ZIM3: variants seen among roughly 807,000 people sequenced by gnomAD.
The protein encoded by ZIM3 is zinc finger protein 657.
ZIM3 carries 11 observed loss-of-function variants against 12.9 expected under a neutral mutation model. The ratio of observed to expected loss-of-function variants is 0.85; its 90% CI spans 0.54 to 1.41. The LOEUF is 1.41. Among genes scored for constraint, ZIM3 ranks in the 40% most tolerant of loss-of-function variants. The pLI, the probability that ZIM3 is intolerant of heterozygous loss-of-function variation, is 0.00. For synonymous variants in ZIM3, 205 were observed against 198.5 expected, an observed-to-expected ratio of 1.03 and a Z score of -0.28; for missense variants, 604 against 557.2, an observed-to-expected ratio of 1.08 and a Z score of -0.85.
In ZIM3 at chr19:57,135,439, C is replaced by T; in HGVS notation, c.898G>A (p.Val300Ile). 1 of 1,614,044 alleles carries T rather than the reference C, an allele frequency of 6.2e-7. No individual in the cohort carries two copies. The highest frequency in any genetic ancestry group is 1.1e-5 in the South Asian group (1 of 91,078). The change falls in exon 5 of 5, where the codon GTT becomes ATT. Residue 300 changes from valine (V) to isoleucine (I), a missense_variant. Transcript: ENST00000269834. ...QNSTLIQHKKVHTGQKPFQCT... is the reference protein window; with the variant it reads ...QNSTLIQHKKIHTGQKPFQCT... ...TGAAAGGGTTTTTGTCCAGTGTGAACTTTTTTATGTTGAATGAGGGTTGAG... is the reference window on the plus strand; with the variant it reads ...TGAAAGGGTTTTTGTCCAGTGTGAATTTTTTTATGTTGAATGAGGGTTGAG...
rs1032665767 is a variant in ZIM3 at position 57,136,910 on chromosome 19, C to T, written c.204G>A (p.Trp68Ter). ...ILRLEQGKEP[W>*]LEEEEVLGSG... ...TTCCCAGCACTTCCTCTTCCTCCAA[C>T]CATGGCTCCTTTCCTTGTTCCAACC... The change falls in exon 4 of 5, where the codon TGG (tryptophan) becomes TGA (stop). Residue 68 changes from tryptophan (W) to a stop codon, truncating the protein, a stop_gained. Coordinates refer to ENST00000269834, the MANE Select transcript of ZIM3 (RefSeq NM_052882.1). LOFTEE classifies it low-confidence loss of function (END_TRUNC). The T allele has an allele frequency of 6.2e-7, 1 of 1,614,016 alleles. No individual in the cohort carries two copies. The highest frequency in any genetic ancestry group is 8.5e-7 in the Non-Finnish European group (1 of 1,180,016).
chr19:57,134,751 A>G lies in ZIM3; in HGVS notation c.*167T>C. 1 of 641,882 alleles carries G rather than the reference A, an allele frequency of 1.6e-6. No individual in the cohort carries two copies. Among genetic ancestry groups the G allele is most frequent in the Non-Finnish European group, 2.7e-6 (1 of 376,352 alleles). 39.8% of individuals were successfully genotyped at this position (641,882 alleles called of 1,614,324 possible). ...TAATAAATATTTATACTTAATAAAC[A>G]TTTGCTGAGTGAGTATGCCGAATGG... On this transcript the variant is annotated 3_prime_UTR_variant, in exon 5 of 5. Transcript: ENST00000269834.
In ZIM3 at chr19:57,134,338, G is replaced by GGT; in HGVS notation, c.*578_*579dup. ...CTTGTTGCCCAGGCAGGAGTGCAATGGTGCAATATTGGCTCACTGCAACCT... is the reference window on the plus strand; with the variant it reads ...CTTGTTGCCCAGGCAGGAGTGCAATGGTGTGCAATATTGGCTCACTGCAACCT... On this transcript the variant is annotated 3_prime_UTR_variant, in exon 5 of 5. Coordinates refer to ENST00000269834, the MANE Select transcript of ZIM3 (RefSeq NM_052882.1). 6.6e-6 allele frequency: 1 copy of GGT among 152,484 alleles called. No homozygotes were observed. Among genetic ancestry groups the GGT allele is most frequent in the South Asian group, 2.1e-4 (1 of 4,842 alleles). 9.4% of individuals were successfully genotyped at this position (152,484 alleles called of 1,614,324 possible).
At chr19:57,136,663 AAAAAAAAAAAAAAG>A (rs1231521147) in intron 4 of ZIM3, among the ~76,000 whole-genome samples, 196 bp downstream of exon 4, 3 of 82,316 alleles carry the variant, frequency 3.6e-5, no homozygotes, top group East Asian at 7.7e-4. Flanking sequence ...CCGTTTCCAG[AAAAAAAAAAAAAAG>A]AAAAAAAAAA....
intron 1 of ZIM3, among the ~76,000 whole-genome samples, chr19:57,143,264 G>A (rs948141944): frequency 6.4e-4 from 97 of 151,720 alleles, no homozygotes; most frequent in African/African-American, 2.3e-3. Context: ...CCGGGAGGCG[G>A]AGCTTGCAGT....
At position 57,138,578 on chromosome 19, in the gene ZIM3, A is replaced by G. The variant is rs1355395089; in HGVS notation, c.36T>C (p.Asp12=). 1.9e-6 allele frequency: 3 copies of G among 1,614,198 alleles called. No homozygotes were observed. The highest frequency in any genetic ancestry group is 2.2e-5 in the East Asian group (1 of 44,880). ...CCCCCTGGGTGAAGTTCACAGTGAC[A>G]TCCTCGAAGGTCACTCTTCCCTGTA... ...NNSQGRVTFE[D]VTVNFTQGEW... The change falls in exon 3 of 5, where the codon GAT becomes GAC. Residue 12 remains aspartate, a synonymous_variant. Transcript: ENST00000269834.
intron 2 of ZIM3, among the ~76,000 whole-genome samples, chr19:57,140,466 G>A (rs775585616): frequency 1.6e-4 from 24 of 150,570 alleles, no homozygotes; most frequent in Non-Finnish European, 1.9e-4. Flanking sequence ...ATGAGCCACC[G>A]CACCCGGCCT....
chr19:57,137,395 G>A (rs1292882240), intron 3 of ZIM3, among the ~76,000 whole-genome samples: 1 of 152,090 alleles, frequency 6.6e-6, no homozygotes, highest in East Asian at 1.9e-4. Context: ...GGCTGAGGTG[G>A]GAGGATGGCT....
rs2086883496 is a variant in ZIM3, at chr19:57,135,736, C to T, written c.601G>A (p.Gly201Arg). ...CQKPFECHSC[G>R]RAFGEKWKLD... The stretch of plus-strand genomic sequence containing the variant: ...TTCCACTTCTCCCCGAATGCTCTTC[C>T]ACAGCTATGACATTCAAAGGGTTTT... Residue 201 changes from glycine (G) to arginine (R), a missense_variant, in exon 5 of 5, where the codon GGA becomes AGA. Gly to Arg is a moderately radical substitution (Grantham distance 125). Transcript: ENST00000269834. 3 of 1,613,944 alleles carry T rather than the reference C, an allele frequency of 1.9e-6. No individual in the cohort carries two copies. The highest frequency in any genetic ancestry group is 2.5e-6 in the Non-Finnish European group (3 of 1,180,016).
intron 2 of ZIM3, among the ~76,000 whole-genome samples, chr19:57,141,306 C>T (rs1479125377): frequency 6.7e-6 from 1 of 148,234 alleles, no homozygotes; most frequent in Non-Finnish European, 1.5e-5. Flanking sequence ...GAGGTTGAGG[C>T]AGGAGAATCG....
chr19:57,140,052 T>C (rs1420715730), intron 2 of ZIM3, among the ~76,000 whole-genome samples: 2 of 152,208 alleles, frequency 1.3e-5, no homozygotes, highest in Non-Finnish European at 2.9e-5. Context: ...TAAAGCGAAT[T>C]CCTTTGTCAG....
At position 57,135,028 on chromosome 19, in the gene ZIM3, G is replaced by A. The variant is rs2086878880; in HGVS notation, c.1309C>T (p.His437Tyr). 4 of 1,614,038 alleles carry A rather than the reference G, an allele frequency of 2.5e-6. No individual in the cohort carries two copies. Among genetic ancestry groups the A allele is most frequent in the South Asian group, 1.1e-5 (1 of 91,086 alleles). ...TTTTGTCCAGTATGGGTTTTTTTAT[G>A]CAAACTAAGGTTTAATTTCCGGATG... ...TFIRKLNLSL[H>Y]KKTHTGQKPY... Residue 437 changes from histidine to tyrosine, a missense_variant, in exon 5 of 5, where the codon CAT becomes TAT. His to Tyr is a moderately conservative substitution (Grantham distance 83). Transcript: ENST00000269834.
At chr19:57,141,044 T>G (rs151268740) in intron 2 of ZIM3, among the ~76,000 whole-genome samples, 1 of 152,092 alleles carries the variant, frequency 6.6e-6, no homozygotes, top group Non-Finnish European at 1.5e-5. Flanking sequence ...GAAACACACA[T>G]GACACTGTTA....
rs768454130 is a variant in ZIM3, at chr19:57,135,142, C to A, written c.1195G>T (p.Ala399Ser). 6.2e-7 allele frequency: 1 copy of A among 1,614,046 alleles called. No individual in the cohort carries two copies. Among genetic ancestry groups the A allele is most frequent in the South Asian group, 1.1e-5 (1 of 91,090 alleles). ...TGAAGGTTTGACTTCTGAAAGAAGG[C>A]TTTTCCACATCTGTTACATTCATAG... is the stretch of plus-strand genomic sequence containing the variant. ...KPYECNRCGK[A>S]FFQKSNLHSH... Residue 399 changes from alanine (A) to serine (S), a missense_variant, in exon 5 of 5, where the codon GCC (alanine) becomes TCC (serine). By Grantham distance (99) the Ala-to-Ser change is moderately conservative (BLOSUM62 1). Transcript: ENST00000269834.
intron 3 of ZIM3, among the ~76,000 whole-genome samples, chr19:57,137,203 G>T (rs2086890951): frequency 6.6e-6 from 1 of 152,112 alleles, no homozygotes; most frequent in South Asian, 2.1e-4. Context: ...GCTTTTTCTG[G>T]GCTGGGTGTG....
rs368695053 is a variant in ZIM3, at chr19:57,135,687, T to C, written c.650A>G (p.His217Arg). ...KWKLDKHQKT[H>R]AEERPYKCEN... The stretch of plus-strand genomic sequence containing the variant: ...ACATTTATAGGGCCTTTCCTCTGCG[T>C]GAGTTTTCTGATGTTTATCAAGCTT... Residue 217 changes from histidine (H) to arginine (R), a missense_variant, in exon 5 of 5, where the codon CAC (histidine) becomes CGC (arginine). Physicochemically the swap from His to Arg is conservative, Grantham distance 29 (BLOSUM62 0). Transcript: ENST00000269834. The C allele has an allele frequency of 2.4e-5, 38 of 1,613,742 alleles. No homozygotes were observed. The Middle Eastern group carries it at 6.6e-4, about 28-fold the overall frequency.
In ZIM3 at chr19:57,134,491, G is replaced by C. The variant is rs1468144717; in HGVS notation, c.*427C>G. On this transcript the variant is annotated 3_prime_UTR_variant, in exon 5 of 5. Transcript: ENST00000269834. ...GACAGGGTTTCACCATGTTGGTCATGCTGGTCTCGAACTCCTGACCTCAGG... is the reference window on the plus strand; with the variant it reads ...GACAGGGTTTCACCATGTTGGTCATCCTGGTCTCGAACTCCTGACCTCAGG... 2 of 157,636 alleles carry C rather than the reference G, an allele frequency of 1.3e-5. No individual in the cohort carries two copies. Among genetic ancestry groups the C allele is most frequent in the Non-Finnish European group, 2.8e-5 (2 of 71,364 alleles). 9.8% of individuals were successfully genotyped at this position (157,636 alleles called of 1,614,324 possible). A position where few individuals can be genotyped will look rare whatever the true frequency, so the allele number is the denominator to read the frequency against.
chr19:57,135,718 T>A lies in ZIM3; in HGVS notation c.619A>T (p.Lys207Ter). ...CHSCGRAFGE[K>*]WKLDKHQKTH... is the part of the protein sequence containing the mutation. ...TTCTGATGTTTATCAAGCTTCCACT[T>A]CTCCCCGAATGCTCTTCCACAGCTA... Residue 207 changes from lysine (K) to a stop codon, truncating the protein, a stop_gained, in exon 5 of 5, where the codon AAG becomes TAG. Coordinates refer to ENST00000269834, the MANE Select transcript of ZIM3 (RefSeq NM_052882.1). LOFTEE classifies it low-confidence loss of function (END_TRUNC). 1.2e-6 allele frequency: 2 copies of A among 1,613,760 alleles called. No individual in the cohort carries two copies. Among genetic ancestry groups the A allele is most frequent in the Non-Finnish European group, 1.7e-6 (2 of 1,179,978 alleles).
At position 57,135,329 on chromosome 19, in the gene ZIM3, T is replaced by C. The variant is rs200708424; in HGVS notation, c.1008A>G (p.Lys336=). The C allele has an allele frequency of 1.0e-4, 162 of 1,614,090 alleles. No individual in the cohort carries two copies. The highest frequency in any genetic ancestry group is 6.9e-4 in the African/African-American group (52 of 75,054). The change falls in exon 5 of 5, where the codon AAA becomes AAG. Residue 336 remains lysine (K), a synonymous_variant. Coordinates refer to ENST00000269834, the MANE Select transcript of ZIM3 (RefSeq NM_052882.1). ...QRIHTGEKPY[K]CSICEKAFSQ... ...AAAAGGCCTTCTCACATATGCTACATTTATAGGGTTTCTCTCCCGTGTGTA... is the reference window on the plus strand; with the variant it reads ...AAAAGGCCTTCTCACATATGCTACACTTATAGGGTTTCTCTCCCGTGTGTA...
Sources: gnomAD v4.1 joint callset for allele counts (sites outside exome capture counted in the v4.1 genomes callset) on GRCh38, gnomAD v4.1.1 for gene constraint, MANE v1.5 for transcripts, NCBI Gene and HGNC (gene_info 2026-07-23, HGNC 2026-07-21) for gene names.